The following MTX3 variants were observed in gnomAD, a reference collection of about 807,000 sequenced individuals.
The protein encoded by MTX3 is metaxin-3.
MTX3 carries 27 observed loss-of-function variants against 42.5 expected under a neutral mutation model. That is an observed-to-expected ratio of 0.64 (90% CI 0.47 to 0.88). The LOEUF is 0.88. Ranked by LOEUF, MTX3 falls within the 40% of genes least tolerant of loss-of-function variation. The probability of loss-of-function intolerance (pLI) is 0.00; values close to 1 mark genes in which losing one functional copy is unlikely to be tolerated. For missense variants in MTX3, 378 were observed against 367.0 expected, an observed-to-expected ratio of 1.03 and a Z score of -0.25; for synonymous variants, 144 against 132.9, an observed-to-expected ratio of 1.08 and a Z score of -0.57.
chr5:79,988,370 T>G, intron 5 of MTX3, 55 bp from the exon 6 acceptor site: 1 of 1,512,156 alleles, frequency 6.6e-7, no homozygotes, highest in Non-Finnish European at 9.0e-7. Context: ...AAAACTACTT[T>G]TGAGGAAGGC....
intron 2 of MTX3, 33 bp from the exon 3 acceptor site, chr5:79,990,269 A>C (rs1275411869): frequency 6.9e-7 from 1 of 1,442,626 alleles, no homozygotes; most frequent in East Asian, 2.3e-5. Flanking sequence ...ATACAAGGAC[A>C]CAGTGTGATT....
Position 79,991,228 on chromosome 5 carries a change from G to A in MTX3, c.11C>T (p.Pro4Leu), listed in dbSNP as rs1206807543. The change falls in exon 1 of 9, where the codon CCC (proline) becomes CTC (leucine). Residue 4 changes from proline to leucine, a missense_variant. Pro to Leu is a moderately conservative substitution (Grantham distance 98). Coordinates refer to ENST00000512528, the MANE Select transcript of MTX3 (RefSeq NM_001363818.2). ...GCCTCCCCAGCAACTGAGTTCCAAG[G>A]GGGCCGCCATCTTGCGCGGGCCGAC... MAA[P>L]LELSCWGGGW... 1.3e-5 allele frequency: 19 copies of A among 1,458,528 alleles called. No homozygotes were observed. Among genetic ancestry groups the A allele is most frequent in the Non-Finnish European group, 1.7e-5 (19 of 1,101,508 alleles). 90.3% of individuals were successfully genotyped at this position (1,458,528 alleles called of 1,614,324 possible).
At chr5:79,984,633 A>G (rs560097695) in intron 8 of MTX3, among the ~76,000 whole-genome samples, 1 of 152,178 alleles carries the variant, frequency 6.6e-6, no homozygotes, top group Non-Finnish European at 1.5e-5. Flanking sequence ...GAAAAAAAAA[A>G]AAAGCAAGCT....
intron 8 of MTX3, among the ~76,000 whole-genome samples, chr5:79,984,511 C>T (rs1252396678): frequency 6.6e-6 from 1 of 152,032 alleles, no homozygotes; most frequent in Non-Finnish European, 1.5e-5. Context: ...ATGAGGTAAC[C>T]CACATCAAGC....
intron 7 of MTX3, 193 bp downstream of exon 7, chr5:79,986,757 C>A: frequency 3.4e-6 from 2 of 595,708 alleles, no homozygotes; most frequent in East Asian, 3.0e-5. Context: ...AGGCAAATAT[C>A]TATTTATCTA....
In MTX3 at chr5:79,983,631, G is replaced by GT; in HGVS notation, c.*52dup. 2 of 1,310,342 alleles carry GT rather than the reference G, an allele frequency of 1.5e-6. No individual in the cohort carries two copies. The highest frequency in any genetic ancestry group is 2.2e-6 in the Non-Finnish European group (2 of 902,764). 81.2% of individuals were successfully genotyped at this position (1,310,342 alleles called of 1,614,324 possible). A position where few individuals can be genotyped will look rare whatever the true frequency, so the allele number is the denominator to read the frequency against. Reference sequence around the variant, plus strand: ...TTCTTTTTGCCTTCACACACTTGGTGTAAGAGATTACTGCAACAATCGTTT... The same window carrying GT: ...TTCTTTTTGCCTTCACACACTTGGTGTTAAGAGATTACTGCAACAATCGTTT... On this transcript the variant is annotated 3_prime_UTR_variant, in exon 9 of 9. Transcript: ENST00000512528.
chr5:79,985,806 T>G, intron 7 of MTX3, 147 bp from the exon 8 acceptor site: 1 of 595,356 alleles, frequency 1.7e-6, no homozygotes, highest in Non-Finnish European at 2.9e-6. Flanking sequence ...ATTCTGGGTT[T>G]AAAGGCGAAG....
At chr5:79,990,854 G>A (rs781479401) in intron 1 of MTX3, 191 bp from the exon 2 acceptor site, 17 of 714,170 alleles carry the variant, frequency 2.4e-5, no homozygotes, top group African/African-American at 1.7e-4. Flanking sequence ...TCCCCAAAAG[G>A]TCCTGGGGAT....
In MTX3 at chr5:79,988,656, G is replaced by A. The variant is rs1323191801; in HGVS notation, c.322-12C>T. ...CAGAATGTGTGAAGCTGCAAAAGAA[G>A]AGAAAAAACACTACAAGGATGTTCT... On this transcript the variant is annotated splice_polypyrimidine_tract_variant and intron_variant, in intron 4 of 8. Coordinates refer to ENST00000512528, the MANE Select transcript of MTX3 (RefSeq NM_001363818.2). 18 of 1,550,552 alleles carry A rather than the reference G, an allele frequency of 1.2e-5. No homozygotes were observed. The highest frequency in any genetic ancestry group is 1.0e-4 in the Admixed American group (5 of 48,496).
In MTX3 at chr5:79,979,373, T is replaced by C. The variant is rs1048384874; in HGVS notation, c.*4311A>G. ...TAAGAAATATGAAAATATTGAAAAG[T>C]AAACATAAATTCCACAAAGCTGAAT... On this transcript the variant is annotated 3_prime_UTR_variant, in exon 9 of 9. Transcript: ENST00000512528. 6.6e-6 allele frequency: 1 copy of C among 152,164 alleles called. No individual in the cohort carries two copies. Among genetic ancestry groups the C allele is most frequent in the African/African-American group, 2.4e-5 (1 of 41,432 alleles). 9.4% of individuals were successfully genotyped at this position (152,164 alleles called of 1,614,324 possible).
chr5:79,984,882 C>T (rs551188106), intron 8 of MTX3, among the ~76,000 whole-genome samples: 17 of 152,120 alleles, frequency 1.1e-4, no homozygotes, highest in Non-Finnish European at 1.5e-4. Context: ...GAAAAGAACA[C>T]GGTGCTGTTA....
At chr5:79,988,980 A>C (rs1021674510) in intron 4 of MTX3, among the ~76,000 whole-genome samples, 172 bp downstream of exon 4, 1 of 152,256 alleles carries the variant, frequency 6.6e-6, no homozygotes, top group African/African-American at 2.4e-5. Flanking sequence ...TTGTTGTTTC[A>C]CATACTAGTT....
chr5:79,979,752 G>A lies in MTX3; in HGVS notation c.*3932C>T, dbSNP rs908567314. ...ACTTCCTAGGGAAAAGGAGTTTTTG[G>A]TTTTAGGGTTTTTTTTTTCTTTTCT... On this transcript the variant is annotated 3_prime_UTR_variant, in exon 9 of 9. Coordinates refer to ENST00000512528, the MANE Select transcript of MTX3 (RefSeq NM_001363818.2). The A allele has an allele frequency of 1.3e-5, 2 of 151,288 alleles. No homozygotes were observed. Among genetic ancestry groups the A allele is most frequent in the African/African-American group, 4.8e-5 (2 of 41,242 alleles). The allele number at this position is 151,288 out of a possible 1,614,324, so 9.4% of individuals were successfully genotyped here. A position where few individuals can be genotyped will look rare whatever the true frequency, so the allele number is the denominator to read the frequency against.
chr5:79,983,487 T>G lies in MTX3; in HGVS notation c.*197A>C. On this transcript the variant is annotated 3_prime_UTR_variant, in exon 9 of 9. Coordinates refer to ENST00000512528, the MANE Select transcript of MTX3 (RefSeq NM_001363818.2). ...CAACCAAGTTCATTTAGCATTCTCTTTGTTATTAAAAATGCAGTGCCAAGC... is the reference window on the plus strand; with the variant it reads ...CAACCAAGTTCATTTAGCATTCTCTGTGTTATTAAAAATGCAGTGCCAAGC... 1 of 501,732 alleles carries G rather than the reference T, an allele frequency of 2.0e-6. No individual in the cohort carries two copies. The highest frequency in any genetic ancestry group is 3.7e-5 in the East Asian group (1 of 26,684). The allele number at this position is 501,732 out of a possible 1,614,324, so 31.1% of individuals were successfully genotyped here. A position where few individuals can be genotyped will look rare whatever the true frequency, so the allele number is the denominator to read the frequency against.
intron 6 of MTX3, among the ~76,000 whole-genome samples, chr5:79,987,440 C>CAAAAA (rs397884673): frequency 2.3e-5 from 2 of 85,110 alleles, no homozygotes; most frequent in East Asian, 4.1e-4. Flanking sequence ...GACTCCATCT[C>CAAAAA]AAAAAAAAAA....
chr5:79,980,051 G>C lies in MTX3; in HGVS notation c.*3633C>G, dbSNP rs1580880279. On this transcript the variant is annotated 3_prime_UTR_variant, in exon 9 of 9. Coordinates refer to ENST00000512528, the MANE Select transcript of MTX3 (RefSeq NM_001363818.2). ...AGAGATCCCAGGTACCCACTGCTTA[G>C]CTTCCTTTCTTTACATGTAAGCATT... 1 of 152,132 alleles carries C rather than the reference G, an allele frequency of 6.6e-6. No homozygotes were observed. Among genetic ancestry groups the C allele is most frequent in the Non-Finnish European group, 1.5e-5 (1 of 68,030 alleles). 9.4% of individuals were successfully genotyped at this position (152,132 alleles called of 1,614,324 possible).
intron 1 of MTX3, chr5:79,990,889 T>C: frequency 1.4e-6 from 1 of 707,990 alleles, no homozygotes; most frequent in Non-Finnish European, 2.6e-6. Flanking sequence ...GCGCGCCCCT[T>C]GCTTCGGGGT....
chr5:79,989,043 A>G, intron 4 of MTX3, 109 bp downstream of exon 4: 3 of 696,104 alleles, frequency 4.3e-6, no homozygotes, highest in Non-Finnish European at 7.0e-6. Flanking sequence ...TAAGATTAAC[A>G]TATAAGTAAA....
At position 79,978,288 on chromosome 5, in the gene MTX3, C is replaced by T. The variant is rs575955904; in HGVS notation, c.*5396G>A. 1 of 152,294 alleles carries T rather than the reference C, an allele frequency of 6.6e-6. No homozygotes were observed. The highest frequency in any genetic ancestry group is 2.4e-5 in the African/African-American group (1 of 41,556). 9.4% of individuals were successfully genotyped at this position (152,294 alleles called of 1,614,324 possible). A position where few individuals can be genotyped will look rare whatever the true frequency, so the allele number is the denominator to read the frequency against. On this transcript the variant is annotated 3_prime_UTR_variant, in exon 9 of 9. Transcript: ENST00000512528. ...CTCAGAACATAAATCCCACAAGATA[C>T]CTACTTTTAAAAAAATCTGGCCGGG...
Sources: allele counts gnomAD v4.1 joint callset (sites outside exome capture counted in the v4.1 genomes callset), GRCh38; gene constraint gnomAD v4.1.1; transcripts MANE v1.5; gene names NCBI Gene and HGNC (gene_info 2026-07-23, HGNC 2026-07-21).